CSMD1: variants seen among roughly 807,000 people sequenced by gnomAD.
The protein encoded by CSMD1 is CUB and sushi domain-containing protein 1.
CSMD1 carries 213 observed loss-of-function variants against 417.5 expected under a neutral mutation model. The observed-to-expected ratio is 0.51, with a 90% CI of 0.46 to 0.57. The LOEUF is 0.57. CSMD1 is among the 20% of genes least tolerant of loss of function. CSMD1 has a pLI of 0.00. For synonymous variants in CSMD1, 2,862 were observed against 1,736.8 expected (o/e 1.65, Z -16.11); for missense variants, 6,923 against 4,529.7 (o/e 1.53, Z -15.17).
intron 1 of CSMD1, among the ~76,000 whole-genome samples, chr8:4,809,863 G>T (rs182415820): frequency 3.3e-5 from 5 of 152,262 alleles, no homozygotes; most frequent in Admixed American, 3.3e-4. Flanking sequence ...GCCACATGGG[G>T]CAAGCGGTTG....
intron 3 of CSMD1, among the ~76,000 whole-genome samples, chr8:4,242,148 C>A (rs1295556993): frequency 2.0e-5 from 3 of 152,092 alleles, no homozygotes; most frequent in African/African-American, 7.2e-5. Flanking sequence ...TAGCATATAT[C>A]CACCAAATTA....
intron 3 of CSMD1, among the ~76,000 whole-genome samples, chr8:4,188,598 C>T (rs1584986751): frequency 6.6e-6 from 1 of 152,102 alleles, no homozygotes; most frequent in African/African-American, 2.4e-5. Context: ...CAGTTCACTG[C>T]AAGCTTAAGA....
At chr8:3,739,878 T>G (rs1022223075) in intron 6 of CSMD1, among the ~76,000 whole-genome samples, 2 of 152,136 alleles carry the variant, frequency 1.3e-5, no homozygotes, top group African/African-American at 4.8e-5. Context: ...TTGAAGAATC[T>G]CCAGTAAATA....
At chr8:4,343,475 A>C (rs1252622587) in intron 3 of CSMD1, among the ~76,000 whole-genome samples, 1 of 152,158 alleles carries the variant, frequency 6.6e-6, no homozygotes, top group Non-Finnish European at 1.5e-5. Context: ...TAGCTTGATC[A>C]TGGTGATGTA....
chr8:3,219,728 C>T (rs1798092609), intron 28 of CSMD1, among the ~76,000 whole-genome samples: 1 of 152,030 alleles, frequency 6.6e-6, no homozygotes, highest in Non-Finnish European at 1.5e-5. Context: ...CAGAGGTATG[C>T]TATCCTTTCC....
At chr8:3,818,170 G>C (rs1237291876) in intron 5 of CSMD1, among the ~76,000 whole-genome samples, 1 of 151,874 alleles carries the variant, frequency 6.6e-6, no homozygotes, top group Non-Finnish European at 1.5e-5. Context: ...ACACTCATAG[G>C]ATGCCAACTG....
At chr8:3,012,732 C>A (rs1174826378) in intron 52 of CSMD1, among the ~76,000 whole-genome samples, 1 of 152,144 alleles carries the variant, frequency 6.6e-6, no homozygotes, top group East Asian at 1.9e-4. Context: ...TAAAAATACA[C>A]AAATGAAAGG....
At chr8:3,985,998 C>A (rs1050131831) in intron 5 of CSMD1, among the ~76,000 whole-genome samples, 2 of 151,940 alleles carry the variant, frequency 1.3e-5, no homozygotes, top group Admixed American at 6.6e-5. Context: ...TTAAGCCAGG[C>A]CCCACCCACT....
Position 3,868,936 on chromosome 8 carries a change from CAA to C in CSMD1, c.819-114896_819-114895del, listed in dbSNP as rs554619190. On this transcript the variant is annotated intron_variant, in intron 5 of 69. Transcript: ENST00000635120. ...TCCTCCCTGGCTAACACCCCAGAGC[CAA>C]AGAGACTCCATTACAACCTAAGTCA... Among the ~76,000 whole-genome samples, 411 of 152,276 alleles carry C rather than the reference CAA, an allele frequency of 2.7e-3. 1 individual carries two copies. The highest frequency in any genetic ancestry group is 6.8e-3 in the Middle Eastern group (2 of 294).
intron 3 of CSMD1, among the ~76,000 whole-genome samples, chr8:4,239,801 G>C (rs545587716): frequency 1.6e-4 from 24 of 152,086 alleles, no homozygotes; most frequent in South Asian, 2.1e-4. Context: ...TCACAGAAAA[G>C]GTCAAGATAT....
intron 1 of CSMD1, among the ~76,000 whole-genome samples, chr8:4,754,817 C>T (rs1183236597): frequency 1.3e-5 from 2 of 151,996 alleles, no homozygotes; most frequent in Non-Finnish European, 2.9e-5. Flanking sequence ...CCACTGCACT[C>T]CAGCCTGGGT....
chr8:3,456,587 C>G (rs749790014), intron 12 of CSMD1, among the ~76,000 whole-genome samples: 1 of 152,192 alleles, frequency 6.6e-6, no homozygotes, highest in Non-Finnish European at 1.5e-5. Flanking sequence ...TATGCCAAAA[C>G]CTAGTTGCGT....
At chr8:4,301,277 A>C (rs185290651) in intron 3 of CSMD1, among the ~76,000 whole-genome samples, 9 of 152,208 alleles carry the variant, frequency 5.9e-5, no homozygotes, top group South Asian at 2.1e-4. Flanking sequence ...CACAAAGTCA[A>C]CAAGCAAAAT....
chr8:3,330,226 A>G (rs1806801933), intron 23 of CSMD1, among the ~76,000 whole-genome samples: 5 of 152,218 alleles, frequency 3.3e-5, no homozygotes, highest in African/African-American at 2.4e-5. Flanking sequence ...ATGAAGGAAC[A>G]TATGGTTAAA....
At chr8:3,640,831 G>T (rs1797269600) in intron 7 of CSMD1, among the ~76,000 whole-genome samples, 1 of 152,014 alleles carries the variant, frequency 6.6e-6, no homozygotes. Flanking sequence ...CAGGGCCTTA[G>T]TCCATGGAAT....
At chr8:3,997,122 A>T (rs1815279187) in intron 5 of CSMD1, among the ~76,000 whole-genome samples, 1 of 152,248 alleles carries the variant, frequency 6.6e-6, no homozygotes, top group African/African-American at 2.4e-5. Context: ...AGCAGTTTTA[A>T]AGTGTTCAGG....
intron 12 of CSMD1, among the ~76,000 whole-genome samples, chr8:3,445,620 A>T (rs1315974043): frequency 6.6e-6 from 1 of 152,132 alleles, no homozygotes; most frequent in African/African-American, 2.4e-5. Context: ...GCCAGAAGAG[A>T]GGCCATTCAC....
chr8:4,526,640 A>T (rs533895313), intron 2 of CSMD1, among the ~76,000 whole-genome samples: 61 of 152,236 alleles, frequency 4.0e-4, no homozygotes, highest in Non-Finnish European at 6.3e-4. Context: ...GAATTAACAA[A>T]AATTGTGTAA....
intron 7 of CSMD1, among the ~76,000 whole-genome samples, chr8:3,680,151 C>G (rs945407796): frequency 3.3e-5 from 5 of 151,954 alleles, no homozygotes; most frequent in Admixed American, 6.6e-5. Context: ...CAAACACATT[C>G]AAAAACTAGC....
Sources: allele counts gnomAD v4.1 joint callset (sites outside exome capture counted in the v4.1 genomes callset), GRCh38; gene constraint gnomAD v4.1.1; transcripts MANE v1.5; gene names NCBI Gene and HGNC (gene_info 2026-07-23, HGNC 2026-07-21).